ARHGEF10L: variants seen among roughly 807,000 people sequenced by gnomAD.
ARHGEF10L encodes the protein rho guanine nucleotide exchange factor 10-like protein.
A neutral mutation model predicts 141.2 loss-of-function variants in ARHGEF10L; 69 were observed. That is an observed-to-expected ratio of 0.49 (90% CI 0.40 to 0.60). The LOEUF (loss-of-function observed/expected upper bound fraction) is 0.60, where lower values mean the gene tolerates loss of function less well. ARHGEF10L is among the 20% of genes least tolerant of loss of function. The pLI is 0.00. For missense variants in ARHGEF10L, 1,482 were observed against 1,734.3 expected (o/e 0.85, Z 2.58); for synonymous variants, 711 against 718.5 (o/e 0.99, Z 0.17).
intron 13 of ARHGEF10L, 34 bp downstream of exon 13, chr1:17,624,537 G>A: frequency 1.3e-6 from 2 of 1,566,062 alleles, no homozygotes; most frequent in Non-Finnish European, 1.8e-6. Context: ...GCCTGGTCAG[G>A]GTGGGCAGGG....
chr1:17,514,261 G>A, the ARHGEF10L span, among the ~76,000 whole-genome samples: 28 of 147,948 alleles, frequency 1.9e-4, no homozygotes, highest in Admixed American at 7.5e-4. Flanking sequence ...TCAGCCTCCC[G>A]AGTAGCTGAG....
At chr1:17,622,972 G>C (rs1419535559) in intron 11 of ARHGEF10L, 24 bp from the exon 12 acceptor site, 2 of 1,601,314 alleles carry the variant, frequency 1.2e-6, no homozygotes, top group African/African-American at 2.7e-5. Flanking sequence ...CTGGCCTGCG[G>C]CCTCACCCCG....
intron 1 of ARHGEF10L, among the ~76,000 whole-genome samples, chr1:17,551,001 C>T (rs1423872111): frequency 2.6e-5 from 4 of 151,964 alleles, no homozygotes; most frequent in Non-Finnish European, 4.4e-5. Context: ...CTCACCTTAT[C>T]GAAGCGGAAA....
chr1:17,688,868 C>G (rs2064838238), intron 27 of ARHGEF10L, among the ~76,000 whole-genome samples: 1 of 152,140 alleles, frequency 6.6e-6, no homozygotes, highest in African/African-American at 2.4e-5. Flanking sequence ...CTGCTTCCCT[C>G]TAGCCAGTCA....
At chr1:17,696,212 C>CA (rs33980606) in intron 28 of ARHGEF10L, among the ~76,000 whole-genome samples, 22,903 of 127,104 alleles carry the variant, frequency 0.18, 2,338 homozygotes, top group African/African-American at 0.21. Flanking sequence ...GACACCATCT[C>CA]AAAAAAAAAA....
chr1:17,555,544 G>A (rs528933625), intron 1 of ARHGEF10L, among the ~76,000 whole-genome samples: 6 of 152,012 alleles, frequency 3.9e-5, no homozygotes, highest in Non-Finnish European at 7.4e-5. Context: ...TAGTAGAGAC[G>A]GGGTTTCTCC....
chr1:17,644,914 C>G lies in ARHGEF10L; in HGVS notation c.2273-3640C>G, dbSNP rs984971812. The stretch of plus-strand genomic sequence containing the variant: ...CTCCAGATGGTTGGCGTTCCTTCCC[C>G]CATTTTCTACATGAGGCCACAGGCT... On this transcript the variant is annotated intron_variant, in intron 21 of 28. Transcript: ENST00000361221. This position sits in a 1 kb window ranked among gnomAD's most constrained non-coding sequence, Gnocchi z 4.5. Among the ~76,000 whole-genome samples the G allele has an allele frequency of 6.6e-6, 1 of 152,160 alleles. No homozygotes were observed. Among genetic ancestry groups the G allele is most frequent in the Non-Finnish European group, 1.5e-5 (1 of 68,036 alleles).
In ARHGEF10L at chr1:17,621,814, CCTGT is replaced by C. The variant is rs112046373; in HGVS notation, c.943-49_943-46del. On this transcript the variant is annotated intron_variant, in intron 10 of 28. Transcript: ENST00000361221. The surrounding 1 kb of genome is among the most constrained non-coding windows in gnomAD (Gnocchi z 4.1). ...CAGCTCCCCTTCCTGTCACTTGGGC[CCTGT>C]GCAGCAGGTGTCATGTGCGCTGACC... 7.1e-6 allele frequency: 11 copies of C among 1,547,014 alleles called. No homozygotes were observed. Among genetic ancestry groups the C allele is most frequent in the Non-Finnish European group, 9.8e-6 (11 of 1,119,150 alleles).
intron 21 of ARHGEF10L, among the ~76,000 whole-genome samples, chr1:17,641,836 C>G (rs2061342942): frequency 6.6e-6 from 1 of 151,368 alleles, no homozygotes; most frequent in South Asian, 2.1e-4. Flanking sequence ...AAAAAATTAG[C>G]CAGACATGGT....
rs530338300 is a variant in ARHGEF10L, at chr1:17,603,122, C to T, written c.350-386C>T. ...TGGGGGCTGGTTTTCCAAGTCCTAG[C>T]ACTGCTCAGTGACGAGGGTCTAGCC... On this transcript the variant is annotated intron_variant, in intron 5 of 28. Coordinates refer to ENST00000361221, the MANE Select transcript of ARHGEF10L (RefSeq NM_018125.4). This position sits in a 1 kb window ranked among gnomAD's most constrained non-coding sequence, Gnocchi z 4.8. 2.4e-3 allele frequency among the ~76,000 whole-genome samples: 372 copies of T among 152,206 alleles called. 2 individuals are homozygous for T. Among genetic ancestry groups the T allele is most frequent in the African/African-American group, 8.8e-3 (365 of 41,532 alleles).
the ARHGEF10L span, among the ~76,000 whole-genome samples, chr1:17,517,346 T>C: frequency 6.6e-6 from 1 of 152,208 alleles, no homozygotes; most frequent in Non-Finnish European, 1.5e-5. Context: ...TTATTTATTT[T>C]TGAGACCAAG....
chr1:17,585,305 T>A (rs2078933323), intron 2 of ARHGEF10L, among the ~76,000 whole-genome samples: 2 of 152,140 alleles, frequency 1.3e-5, no homozygotes, highest in African/African-American at 4.8e-5. Flanking sequence ...ATCCCCATCC[T>A]CTTAGCTGCT....
intron 26 of ARHGEF10L, among the ~76,000 whole-genome samples, chr1:17,681,103 A>C (rs1124447): frequency 6.6e-6 from 1 of 152,074 alleles, no homozygotes; most frequent in Non-Finnish European, 1.5e-5. Context: ...AAAAATTTCA[A>C]ACTACAGGAA....
At chr1:17,684,953 CT>C (rs1409244596) in intron 26 of ARHGEF10L, among the ~76,000 whole-genome samples, 1 of 152,178 alleles carries the variant, frequency 6.6e-6, no homozygotes, top group African/African-American at 2.4e-5. Flanking sequence ...AGCTCACAGT[CT>C]TGCCCTCCTG....
rs530209225 is a variant in ARHGEF10L, at chr1:17,695,141, G to C, written c.3185-17G>C. On this transcript the variant is annotated splice_polypyrimidine_tract_variant and intron_variant, in intron 27 of 28. Coordinates refer to ENST00000361221, the MANE Select transcript of ARHGEF10L (RefSeq NM_018125.4). ...CTCCCCAGGAGGGCACTGCTCAGCC[G>C]CCCTCTCTTTCTGCAGGCCAGAAGC... is the stretch of plus-strand genomic sequence containing the variant. 6.2e-7 allele frequency: 1 copy of C among 1,612,000 alleles called. No individual in the cohort carries two copies. Among genetic ancestry groups the C allele is most frequent in the Non-Finnish European group, 8.5e-7 (1 of 1,179,934 alleles).
chr1:17,670,298 G>C (rs1263667673), intron 26 of ARHGEF10L, among the ~76,000 whole-genome samples: 1 of 152,226 alleles, frequency 6.6e-6, no homozygotes, highest in East Asian at 1.9e-4. Flanking sequence ...TGGGTTTTAC[G>C]CTTGCCCACC....
At chr1:17,618,648 C>A in intron 9 of ARHGEF10L, 1 of 686,340 alleles carries the variant, frequency 1.5e-6, no homozygotes, top group South Asian at 2.8e-5. Context: ...GAGTCAGAGC[C>A]ATTCAGCAGC....
intron 26 of ARHGEF10L, among the ~76,000 whole-genome samples, chr1:17,686,097 TCTTTCTTTC>T (rs1406064663): frequency 6.1e-5 from 9 of 146,700 alleles, no homozygotes; most frequent in East Asian, 2.0e-4. Flanking sequence ...TTTCTTTCTT[TCTTTCTTTC>T]TTTTTTTTTT....
At chr1:17,513,472 T>C in the ARHGEF10L span, among the ~76,000 whole-genome samples, 1 of 152,170 alleles carries the variant, frequency 6.6e-6, no homozygotes, top group Non-Finnish European at 1.5e-5. Flanking sequence ...AGGGTCAGTC[T>C]GGTGTTTGGA....
Sources: allele counts gnomAD v4.1 joint callset (sites outside exome capture counted in the v4.1 genomes callset), GRCh38; gene constraint gnomAD v4.1.1; non-coding constraint Gnocchi (gnomAD v3.1); transcripts MANE v1.5; gene names NCBI Gene and HGNC (gene_info 2026-07-23, HGNC 2026-07-21).